Variants in PCNX1 observed in about 807,000 individuals in gnomAD.
PCNX1 encodes the protein pecanex-like protein 1.
A neutral mutation model predicts 242.2 loss-of-function variants in PCNX1; 78 were observed. That is an observed-to-expected ratio of 0.32 (90% CI 0.27 to 0.39). The LOEUF is 0.39. PCNX1 is among the 10% of genes least tolerant of loss of function. The pLI is 1.00. For synonymous variants in PCNX1, 1,024 were observed against 1,032.9 expected, an observed-to-expected ratio of 0.99 and a Z score of 0.17; for missense variants, 2,581 against 2,856.5, an observed-to-expected ratio of 0.90 and a Z score of 2.20.
intron 8 of PCNX1, among the ~76,000 whole-genome samples, chr14:70,999,169 G>C (rs1033877645): frequency 6.6e-6 from 1 of 152,084 alleles, no homozygotes; most frequent in African/African-American, 2.4e-5. Flanking sequence ...ATAGAATTTG[G>C]CACTTCTCAG....
chr14:70,985,709 A>T (rs2140216956), intron 6 of PCNX1, among the ~76,000 whole-genome samples: 1 of 152,036 alleles, frequency 6.6e-6, no homozygotes, highest in African/African-American at 2.4e-5. Context: ...TTTCTTTTTT[A>T]CCTACACATG....
chr14:71,095,341 G>C (rs2141728534), intron 30 of PCNX1, among the ~76,000 whole-genome samples: 1 of 152,274 alleles, frequency 6.6e-6, no homozygotes, highest in South Asian at 2.1e-4. Context: ...ACAGTGGACT[G>C]TAAATGTTTG....
intron 1 of PCNX1, among the ~76,000 whole-genome samples, chr14:70,945,333 A>G (rs2057414025): frequency 6.6e-6 from 1 of 152,218 alleles, no homozygotes; most frequent in Non-Finnish European, 1.5e-5. Context: ...GTAAACTTCT[A>G]AATATATTTC....
chr14:70,907,988 C>G lies in PCNX1; in HGVS notation c.138C>G (p.Pro46=), dbSNP rs775444793. Residue 46 remains proline (P), a synonymous_variant, in exon 1 of 36, where the codon CCC becomes CCG. Transcript: ENST00000304743. Reference sequence around the variant, plus strand: ...TGTGGCTCTTTCTGCTGGGCCTGCCCTTCACCCTCTACATGGTGAGTGTGG... The same window carrying G: ...TGTGGCTCTTTCTGCTGGGCCTGCCGTTCACCCTCTACATGGTGAGTGTGG... ...LYLWLFLLGL[P]FTLYMALPST... is the part of the protein sequence containing the mutation. The G allele has an allele frequency of 2.9e-5, 47 of 1,595,376 alleles. No individual in the cohort carries two copies. The South Asian group carries it at 5.3e-4, about 18-fold the overall frequency.
intron 16 of PCNX1, among the ~76,000 whole-genome samples, chr14:71,029,613 C>T (rs538353361): frequency 6.6e-6 from 1 of 152,304 alleles, no homozygotes; most frequent in South Asian, 2.1e-4. Flanking sequence ...CAAATTAAGA[C>T]TACTTTATTC....
At chr14:71,063,537 A>T (rs2061375091) in intron 26 of PCNX1, among the ~76,000 whole-genome samples, 2 of 152,132 alleles carry the variant, frequency 1.3e-5, no homozygotes, top group South Asian at 4.1e-4. Flanking sequence ...CTCATGAGGG[A>T]TGAGTATACT....
chr14:70,951,722 GA>G (rs1290236051), intron 2 of PCNX1, among the ~76,000 whole-genome samples: 1 of 151,956 alleles, frequency 6.6e-6, no homozygotes, highest in Non-Finnish European at 1.5e-5. Context: ...TTACTTTTGT[GA>G]GATATCTTCA....
intron 5 of PCNX1, among the ~76,000 whole-genome samples, chr14:70,971,115 G>GTTTTTTTTTTTTTTTTTT (rs1046870052): frequency 6.9e-5 from 1 of 14,518 alleles, no homozygotes; most frequent in African/African-American, 2.9e-4. Flanking sequence ...ACTTTATATA[G>GTTTTTTTTTTTTTTTTTT]TTTTTTTTTT....
rs2055634170 is a variant in PCNX1 at position 70,907,946 on chromosome 14, C to T, written c.96C>T (p.Asn32=). The part of the protein sequence containing the change: ...YYDPHQATFV[N]ALHLYLWLFL... ...ACCCGCACCAGGCCACCTTCGTGAA[C>T]GCGCTGCACCTCTACCTGTGGCTCT... The change falls in exon 1 of 36, where the codon AAC becomes AAT. Residue 32 remains asparagine (N), a synonymous_variant. Transcript: ENST00000304743. 1.3e-6 allele frequency: 2 copies of T among 1,597,096 alleles called. No homozygotes were observed. The highest frequency in any genetic ancestry group is 1.4e-5 in the African/African-American group (1 of 73,376).
At chr14:71,095,295 A>G (rs1396497501) in intron 30 of PCNX1, among the ~76,000 whole-genome samples, 1 of 152,212 alleles carries the variant, frequency 6.6e-6, no homozygotes, top group East Asian at 1.9e-4. Context: ...AGGAAGGAAT[A>G]ATTTCATATT....
Position 71,019,055 on chromosome 14 carries a change from C to T in PCNX1, c.3043C>T (p.Leu1015Phe). 1 of 1,613,278 alleles carries T rather than the reference C, an allele frequency of 6.2e-7. No individual in the cohort carries two copies. The highest frequency in any genetic ancestry group is 1.1e-5 in the South Asian group (1 of 90,946). The part of the protein sequence containing the change: ...ENVLAVILAI[L>F]VAFLGSILLI... The stretch of plus-strand genomic sequence containing the variant: ...TGTGTTAGCTGTCATCCTGGCTATT[C>T]TCGTGGCCTTTTTGGGATCTATTCT... The change falls in exon 12 of 36, where the codon CTC becomes TTC. Residue 1015 changes from leucine to phenylalanine, a missense_variant. This residue lies in a region of PCNX1 where 55 missense variants were observed against 49.8 expected (regional missense o/e 1.10). Transcript: ENST00000304743.
intron 9 of PCNX1, among the ~76,000 whole-genome samples, chr14:71,010,872 A>C (rs926479501): frequency 6.6e-6 from 1 of 152,108 alleles, no homozygotes; most frequent in Non-Finnish European, 1.5e-5. Context: ...AGTAGAACAT[A>C]TAGATAACCA....
chr14:71,094,890 C>T (rs2062232302), intron 30 of PCNX1, among the ~76,000 whole-genome samples: 1 of 151,476 alleles, frequency 6.6e-6, no homozygotes, highest in Non-Finnish European at 1.5e-5. Context: ...ATGATTGCAT[C>T]ACTGCACTCC....
chr14:71,045,006 G>GT, intron 19 of PCNX1, 127 bp from the exon 20 acceptor site: 1 of 645,066 alleles, frequency 1.6e-6, no homozygotes, highest in Non-Finnish European at 2.6e-6. Context: ...GTAGAAAAAT[G>GT]TTTAGTTCTT....
chr14:70,908,501 C>CGG (rs1040201055), intron 1 of PCNX1, among the ~76,000 whole-genome samples: 119 of 152,328 alleles, frequency 7.8e-4, no homozygotes, highest in African/African-American at 2.7e-3. Context: ...AATCCGCGTG[C>CGG]GGAGCCCCGG....
At position 70,946,943 on chromosome 14, in the gene PCNX1, C is replaced by T. The variant is rs1169550200; in HGVS notation, c.182C>T (p.Ala61Val). Residue 61 changes from alanine to valine, a missense_variant, in exon 2 of 36, where the codon GCA becomes GTA. Transcript: ENST00000304743. ...CTTCCTTCTACCATGATTATAGTAG[C>T]AGTTTATTGTCCTGTGATAGCTGCT... is the stretch of plus-strand genomic sequence containing the variant. ...MALPSTMIIVAVYCPVIAAVF... is the reference protein window; with the variant it reads ...MALPSTMIIVVVYCPVIAAVF... 6.2e-6 allele frequency: 10 copies of T among 1,612,636 alleles called. No individual in the cohort carries two copies. Among genetic ancestry groups the T allele is most frequent in the South Asian group, 1.1e-5 (1 of 91,062 alleles).
intron 24 of PCNX1, among the ~76,000 whole-genome samples, chr14:71,052,276 T>G (rs2061058586): frequency 1.3e-5 from 2 of 151,874 alleles, no homozygotes; most frequent in African/African-American, 4.8e-5. Flanking sequence ...CAGTGGTGCG[T>G]CTCTGCTCAC....
chr14:71,047,775 A>G (rs1265223189), intron 21 of PCNX1, 32 bp from the exon 22 acceptor site: 1 of 1,563,458 alleles, frequency 6.4e-7, no homozygotes, highest in Non-Finnish European at 8.7e-7. Context: ...GTTTTCAGTC[A>G]TGAGTTGATT....
Position 71,109,534 on chromosome 14 carries a change from T to G in PCNX1, c.6827T>G (p.Leu2276Ter). Residue 2276 changes from leucine (L) to a stop codon, truncating the protein, a stop_gained, in exon 35 of 36, where the codon TTA (leucine) becomes TGA (stop). Transcript: ENST00000304743. LOFTEE classifies it high-confidence loss of function. ...ELQWPDEGIR[L>*]KAGRNSWKDW... ...CAGTGGCCTGATGAAGGAATCCGGT[T>G]AAAAGCTGGGAGAAATAGCTGGAAA... 1 of 1,614,104 alleles carries G rather than the reference T, an allele frequency of 6.2e-7. No individual in the cohort carries two copies.
Sources: gnomAD v4.1 joint callset for allele counts (sites outside exome capture counted in the v4.1 genomes callset) on GRCh38, gnomAD v4.1.1 for gene constraint, gnomAD v4.1.1 regional missense constraint, MANE v1.5 for transcripts, NCBI Gene and HGNC (gene_info 2026-07-23, HGNC 2026-07-21) for gene names.